The following USP13 variants were observed in gnomAD, a reference collection of about 807,000 sequenced individuals.
USP13 encodes ubiquitin carboxyl-terminal hydrolase 13.
In USP13, 68 loss-of-function variants were observed where a neutral mutation model predicts 107.8. The ratio of observed to expected loss-of-function variants is 0.63; its 90% CI spans 0.52 to 0.77. USP13 has a LOEUF of 0.77. USP13 is among the 30% of genes least tolerant of loss of function. The probability of loss-of-function intolerance (pLI) is 0.00; values close to 1 mark genes in which losing one functional copy is unlikely to be tolerated. For synonymous variants in USP13, 377 were observed against 389.5 expected (o/e 0.97, Z 0.38); for missense variants, 945 against 1,093.3 (o/e 0.86, Z 1.91).
chr3:179,744,464 T>A (rs1323031746), intron 12 of USP13, among the ~76,000 whole-genome samples: 1 of 152,140 alleles, frequency 6.6e-6, no homozygotes, highest in Admixed American at 6.6e-5. Flanking sequence ...TTGGCAAAAA[T>A]TGATCCCCTT....
chr3:179,763,841 C>T (rs929119884), intron 17 of USP13, among the ~76,000 whole-genome samples, 161 bp from the exon 18 acceptor site: 1 of 152,028 alleles, frequency 6.6e-6, no homozygotes, highest in African/African-American at 2.4e-5. Context: ...TCGCCTTGGC[C>T]TCCCAAAGTG....
In USP13 at chr3:179,761,110, A is replaced by G; in HGVS notation, c.1949-2A>G. 3 of 1,614,198 alleles carry G rather than the reference A, an allele frequency of 1.9e-6. No individual in the cohort carries two copies. On this transcript the variant is annotated splice_acceptor_variant, in intron 16 of 20. Transcript: ENST00000263966. LOFTEE classifies it high-confidence loss of function. ...ACTAGAATATCCTGTTGTGCTCTGT[A>G]GCATCAGACATCGATGAGTCATCAG...
intron 15 of USP13, among the ~76,000 whole-genome samples, 196 bp downstream of exon 15, chr3:179,755,050 G>A (rs548578641): frequency 1.3e-5 from 2 of 152,112 alleles, no homozygotes; most frequent in East Asian, 3.8e-4. Context: ...CATTGTAAGA[G>A]GCACAGACCC....
intron 18 of USP13, among the ~76,000 whole-genome samples, chr3:179,764,627 TTCTC>T (rs1003838374): frequency 6.6e-6 from 1 of 152,202 alleles, no homozygotes. Context: ...CTGCTGCTGT[TTCTC>T]TCTGCAGAAA....
intron 13 of USP13, 101 bp from the exon 14 acceptor site, chr3:179,752,184 G>C: frequency 1.0e-6 from 1 of 971,340 alleles, no homozygotes; most frequent in South Asian, 1.5e-5. Context: ...TCAGCCATTG[G>C]AATGGCCAGG....
chr3:179,658,567 T>C (rs1422166357), intron 1 of USP13, among the ~76,000 whole-genome samples: 2 of 152,160 alleles, frequency 1.3e-5, no homozygotes, highest in Non-Finnish European at 2.9e-5. Flanking sequence ...AGTGGAATTA[T>C]GAGCAAGAGA....
chr3:179,768,560 A>G (rs1008755182), intron 19 of USP13, among the ~76,000 whole-genome samples: 1 of 152,244 alleles, frequency 6.6e-6, no homozygotes, highest in African/African-American at 2.4e-5. Context: ...GCAGTAGTAG[A>G]TGAAACATTT....
At position 179,678,432 on chromosome 3, in the gene USP13, T is replaced by C. The variant is rs1711541681; in HGVS notation, c.169-3446T>C. On this transcript the variant is annotated intron_variant, in intron 1 of 20. Coordinates refer to ENST00000263966, the MANE Select transcript of USP13 (RefSeq NM_003940.3). This position sits in a 1 kb window ranked among gnomAD's most constrained non-coding sequence, Gnocchi z 4.2. Reference sequence around the variant, plus strand: ...ATTTCAGGTAAAGGCAGAAAAGTTATCCACAAGCACAAGCTATATTATAAT... The same window carrying C: ...ATTTCAGGTAAAGGCAGAAAAGTTACCCACAAGCACAAGCTATATTATAAT... 6.6e-6 allele frequency among the ~76,000 whole-genome samples: 1 copy of C among 152,114 alleles called. No homozygotes were observed. The highest frequency in any genetic ancestry group is 2.4e-5 in the African/African-American group (1 of 41,432).
chr3:179,667,644 G>A (rs533589392), intron 1 of USP13, among the ~76,000 whole-genome samples: 22 of 152,162 alleles, frequency 1.4e-4, no homozygotes, highest in African/African-American at 5.3e-4. Context: ...AAAATACCCA[G>A]AAGAATGATT....
Position 179,701,073 on chromosome 3 carries a change from A to G in USP13, c.421A>G (p.Ile141Val). The change falls in exon 4 of 21, where the codon ATA (isoleucine) becomes GTA (valine). Residue 141 changes from isoleucine to valine, a missense_variant. By Grantham distance (29) the Ile-to-Val change is conservative (BLOSUM62 3). Transcript: ENST00000263966. The part of the protein sequence containing the change: ...YEYEDEAKLV[I>V]FPDHYEIALP... ...ATATGAAGATGAAGCCAAACTTGTTATATTCCCAGATCACTATGAAATAGC... is the reference window on the plus strand; with the variant it reads ...ATATGAAGATGAAGCCAAACTTGTTGTATTCCCAGATCACTATGAAATAGC... 3 of 1,614,096 alleles carry G rather than the reference A, an allele frequency of 1.9e-6. No individual in the cohort carries two copies. Among genetic ancestry groups the G allele is most frequent in the Non-Finnish European group, 2.5e-6 (3 of 1,180,024 alleles).
intron 1 of USP13, among the ~76,000 whole-genome samples, chr3:179,665,883 G>C (rs1720572456): frequency 6.6e-6 from 1 of 152,120 alleles, no homozygotes; most frequent in Admixed American, 6.6e-5. Context: ...ACTGCACCCA[G>C]CTGGATATTT....
At chr3:179,679,198 T>C (rs1390063170) in intron 1 of USP13, among the ~76,000 whole-genome samples, 1 of 152,134 alleles carries the variant, frequency 6.6e-6, no homozygotes, top group Non-Finnish European at 1.5e-5. Flanking sequence ...TAAACAATTT[T>C]TTGGAATTTA....
At chr3:179,673,697 T>C (rs1720811353) in intron 1 of USP13, among the ~76,000 whole-genome samples, 1 of 152,066 alleles carries the variant, frequency 6.6e-6, no homozygotes, top group African/African-American at 2.4e-5. Flanking sequence ...TGAGGAGGCA[T>C]TGATGGGGCT....
At chr3:179,726,742 ATCACGGC>A (rs1713528609) in intron 8 of USP13, among the ~76,000 whole-genome samples, 2 of 151,822 alleles carry the variant, frequency 1.3e-5, no homozygotes, top group South Asian at 4.2e-4. Flanking sequence ...CAGTGGTACA[ATCACGGC>A]TCACTGCAGC....
intron 3 of USP13, among the ~76,000 whole-genome samples, chr3:179,693,415 A>G (rs1245340908): frequency 6.6e-6 from 1 of 152,156 alleles, no homozygotes; most frequent in African/African-American, 2.4e-5. Context: ...AGTCTCCCAA[A>G]GTGCTGGGAT....
chr3:179,723,093 A>C (rs1045459088), intron 8 of USP13, among the ~76,000 whole-genome samples: 1 of 152,168 alleles, frequency 6.6e-6, no homozygotes, highest in African/African-American at 2.4e-5. Flanking sequence ...GGAAGAGGAC[A>C]TATATGTGCT....
chr3:179,680,609 C>G (rs1427278497), intron 1 of USP13, among the ~76,000 whole-genome samples: 2 of 152,042 alleles, frequency 1.3e-5, no homozygotes, highest in Non-Finnish European at 2.9e-5. Context: ...TGCAGTGGCA[C>G]TTAGCTCACT....
intron 10 of USP13, among the ~76,000 whole-genome samples, chr3:179,732,775 A>G (rs548233932): frequency 6.6e-6 from 1 of 152,320 alleles, no homozygotes; most frequent in East Asian, 1.9e-4. Flanking sequence ...TGAGCAAGGC[A>G]CACTATCTAT....
In USP13 at chr3:179,787,301, C is replaced by T. The variant is rs534338374; in HGVS notation, c.*3160C>T. 2 of 152,368 alleles carry T rather than the reference C, an allele frequency of 1.3e-5. No homozygotes were observed. The highest frequency in any genetic ancestry group is 2.1e-4 in the South Asian group (1 of 4,828). 9.4% of individuals were successfully genotyped at this position (152,368 alleles called of 1,614,324 possible). ...AGCACCTGGGTCTGTATCCTGACTC[C>T]ACTCTAAGTGAGGTGGGACTGAATC... On this transcript the variant is annotated 3_prime_UTR_variant, in exon 21 of 21. Coordinates refer to ENST00000263966, the MANE Select transcript of USP13 (RefSeq NM_003940.3).
Sources: gnomAD v4.1 joint callset for allele counts (sites outside exome capture counted in the v4.1 genomes callset) on GRCh38, gnomAD v4.1.1 for gene constraint, Gnocchi (gnomAD v3.1) non-coding constraint, MANE v1.5 for transcripts, NCBI Gene and HGNC (gene_info 2026-07-23, HGNC 2026-07-21) for gene names.